The following SLC35F1 variants were observed in gnomAD, a reference collection of about 807,000 sequenced individuals.
SLC35F1 encodes chromosome 6 open reading frame 169.
SLC35F1 carries 14 observed loss-of-function variants against 48.7 expected under a neutral mutation model. The observed-to-expected ratio is 0.29, with a 90% CI of 0.19 to 0.45. The LOEUF (loss-of-function observed/expected upper bound fraction) is 0.45, where lower values mean the gene tolerates loss of function less well. SLC35F1 is among the 20% of genes least tolerant of loss of function. The pLI, the probability that SLC35F1 is intolerant of heterozygous loss-of-function variation, is 1.00. For synonymous variants in SLC35F1, 190 were observed against 202.2 expected (o/e 0.94, Z 0.51); for missense variants, 404 against 500.0 (o/e 0.81, Z 1.83).
intron 1 of SLC35F1, among the ~76,000 whole-genome samples, chr6:118,093,229 T>C (rs946334288): frequency 1.3e-5 from 2 of 151,934 alleles, no homozygotes; most frequent in Non-Finnish European, 2.9e-5. Context: ...GGTAGTAGAA[T>C]GGCATGAACC....
At chr6:118,033,967 CAATT>C (rs1255159897) in intron 1 of SLC35F1, among the ~76,000 whole-genome samples, 1 of 152,092 alleles carries the variant, frequency 6.6e-6, no homozygotes, top group Non-Finnish European at 1.5e-5. Context: ...TTGAATCAAT[CAATT>C]AGTTAACAGG....
At chr6:118,171,237 G>C (rs1774399742) in intron 2 of SLC35F1, among the ~76,000 whole-genome samples, 1 of 151,882 alleles carries the variant, frequency 6.6e-6, no homozygotes, top group African/African-American at 2.4e-5. Flanking sequence ...GTGGGGTTTT[G>C]CCATGTTGGC....
At chr6:117,920,682 G>A (rs1001418769) in intron 1 of SLC35F1, among the ~76,000 whole-genome samples, 4 of 152,108 alleles carry the variant, frequency 2.6e-5, no homozygotes, top group Non-Finnish European at 5.9e-5. Context: ...ACACAGTGCA[G>A]GATTTACAAA....
intron 1 of SLC35F1, among the ~76,000 whole-genome samples, chr6:118,149,172 G>A (rs1252784570): frequency 6.6e-6 from 1 of 152,194 alleles, no homozygotes; most frequent in Non-Finnish European, 1.5e-5. Context: ...TGCAGGTGAG[G>A]ACACTTGCCT....
At chr6:118,107,648 TAAA>T (rs1326012014) in intron 1 of SLC35F1, among the ~76,000 whole-genome samples, 11 of 152,032 alleles carry the variant, frequency 7.2e-5, no homozygotes. Context: ...TTTTTTCAAA[TAAA>T]AAAGGCTATC....
chr6:118,204,813 C>A (rs1025512780), intron 2 of SLC35F1, among the ~76,000 whole-genome samples: 1 of 152,200 alleles, frequency 6.6e-6, no homozygotes, highest in Non-Finnish European at 1.5e-5. Context: ...TATTAGTCTA[C>A]TTTCAAAATA....
chr6:118,045,128 A>G (rs150257359), intron 1 of SLC35F1, among the ~76,000 whole-genome samples: 30 of 152,168 alleles, frequency 2.0e-4, no homozygotes, highest in Middle Eastern at 3.4e-3. Context: ...TCAGGAAACA[A>G]CTCTTTGTTT....
intron 1 of SLC35F1, among the ~76,000 whole-genome samples, chr6:117,972,234 C>T (rs1159267193): frequency 2.6e-5 from 4 of 152,226 alleles, no homozygotes; most frequent in Non-Finnish European, 4.4e-5. Flanking sequence ...AACTCCACAT[C>T]TCCTTATGAG....
intron 1 of SLC35F1, among the ~76,000 whole-genome samples, chr6:117,950,325 A>G (rs569578328): frequency 6.6e-6 from 1 of 152,288 alleles, no homozygotes; most frequent in African/African-American, 2.4e-5. Context: ...AAGTTAAATA[A>G]TATCCCAGAA....
intron 1 of SLC35F1, among the ~76,000 whole-genome samples, chr6:118,078,234 A>G (rs541019795): frequency 6.6e-6 from 1 of 152,336 alleles, no homozygotes; most frequent in East Asian, 1.9e-4. Flanking sequence ...GTACGTTCCC[A>G]CATAGAGGCA....
In SLC35F1 at chr6:117,907,551, G is replaced by T; in HGVS notation, c.-176G>T. 2.7e-6 allele frequency: 1 copy of T among 370,156 alleles called. No individual in the cohort carries two copies. Among genetic ancestry groups the T allele is most frequent in the Non-Finnish European group, 4.8e-6 (1 of 209,548 alleles). The allele number at this position is 370,156 out of a possible 1,614,324, so 22.9% of individuals were successfully genotyped here. On this transcript the variant is annotated 5_prime_UTR_variant, in exon 1 of 8. Transcript: ENST00000360388. ...GGGACTGGAGAGGAGTGAGTGGCGG[G>T]CTGGGCGGCGGCGGCCGTAGCCGCG...
chr6:118,049,016 A>C (rs7774289), intron 1 of SLC35F1, among the ~76,000 whole-genome samples: 75,019 of 151,894 alleles, frequency 0.49, 19,620 homozygotes, highest in Middle Eastern at 0.63. Context: ...CAAAACAGAG[A>C]TATAGATCAA....
intron 1 of SLC35F1, among the ~76,000 whole-genome samples, chr6:117,908,560 A>G (rs1429574956): frequency 6.6e-6 from 1 of 152,200 alleles, no homozygotes; most frequent in Non-Finnish European, 1.5e-5. Flanking sequence ...GCGCCCAGTT[A>G]TTCCGAAGCG....
At chr6:118,156,343 C>T (rs1774141023) in intron 2 of SLC35F1, among the ~76,000 whole-genome samples, 1 of 152,058 alleles carries the variant, frequency 6.6e-6, no homozygotes, top group African/African-American at 2.4e-5. Context: ...AGAACATGTG[C>T]CCAAGGTGGT....
intron 1 of SLC35F1, among the ~76,000 whole-genome samples, chr6:118,153,976 G>A (rs1193002097): frequency 6.6e-6 from 1 of 152,120 alleles, no homozygotes; most frequent in African/African-American, 2.4e-5. Context: ...ATAAAGAAAA[G>A]AGTCTCCCTT....
chr6:118,206,804 ACTGT>A (rs1177947780), intron 2 of SLC35F1, among the ~76,000 whole-genome samples: 2 of 152,162 alleles, frequency 1.3e-5, no homozygotes, highest in East Asian at 3.8e-4. Flanking sequence ...AACTAGCTGT[ACTGT>A]GAGCTGGCAA....
intron 1 of SLC35F1, among the ~76,000 whole-genome samples, chr6:117,963,854 T>C (rs1489442232): frequency 6.6e-6 from 1 of 151,410 alleles, no homozygotes; most frequent in Non-Finnish European, 1.5e-5. Context: ...ATGTGCAGGA[T>C]GTGCGGGTTT....
chr6:118,277,417 G>A (rs1401397810), intron 5 of SLC35F1, 77 bp from the exon 6 acceptor site: 1 of 1,277,324 alleles, frequency 7.8e-7, no homozygotes, highest in African/African-American at 1.5e-5. Context: ...TCTGATAAGT[G>A]GGGGGGAAAA....
At chr6:118,170,777 C>T (rs1774391529) in intron 2 of SLC35F1, among the ~76,000 whole-genome samples, 1 of 151,966 alleles carries the variant, frequency 6.6e-6, no homozygotes, top group Admixed American at 6.6e-5. Flanking sequence ...TTAAATTACC[C>T]AAGTAAGACA....
Sources: allele counts gnomAD v4.1 joint callset (sites outside exome capture counted in the v4.1 genomes callset), GRCh38; gene constraint gnomAD v4.1.1; transcripts MANE v1.5; gene names NCBI Gene and HGNC (gene_info 2026-07-23, HGNC 2026-07-21).